Variants in FILIP1 observed in about 807,000 individuals in gnomAD.
FILIP1 encodes filamin A interacting protein 1.
In FILIP1, 61 loss-of-function variants were observed where a neutral mutation model predicts 102.1. The ratio of observed to expected loss-of-function variants is 0.60; its 90% CI spans 0.49 to 0.74. The LOEUF (loss-of-function observed/expected upper bound fraction) is 0.74, where lower values mean the gene tolerates loss of function less well. Among genes scored for constraint, FILIP1 ranks in the 30% least tolerant of loss-of-function variants. FILIP1 has a pLI of 0.00. For synonymous variants in FILIP1, 491 were observed against 526.9 expected (o/e 0.93, Z 0.93); for missense variants, 1,314 against 1,441.2 (o/e 0.91, Z 1.43).
At chr6:75,333,256 T>C (rs962670153) in intron 4 of FILIP1, among the ~76,000 whole-genome samples, 4 of 152,146 alleles carry the variant, frequency 2.6e-5, no homozygotes, top group Non-Finnish European at 5.9e-5. Context: ...GCTAAATTTT[T>C]TTTGAATTAT....
At chr6:75,325,659 T>C (rs1292034976) in intron 4 of FILIP1, among the ~76,000 whole-genome samples, 1 of 152,086 alleles carries the variant, frequency 6.6e-6, no homozygotes, top group Non-Finnish European at 1.5e-5. Context: ...CCACTACTTA[T>C]CAGGAAAATG....
chr6:75,426,639 T>C (rs1777635767), intron 1 of FILIP1, among the ~76,000 whole-genome samples: 1 of 152,140 alleles, frequency 6.6e-6, no homozygotes, highest in Non-Finnish European at 1.5e-5. Context: ...AAGGCACAGC[T>C]ACACTTGAAG....
chr6:75,428,963 T>C (rs920889432), intron 1 of FILIP1, among the ~76,000 whole-genome samples: 1 of 152,174 alleles, frequency 6.6e-6, no homozygotes, highest in Non-Finnish European at 1.5e-5. Flanking sequence ...AGCTTATCCA[T>C]TTAGATGGAG....
At chr6:75,398,658 A>G (rs1167635420) in intron 2 of FILIP1, among the ~76,000 whole-genome samples, 4 of 152,210 alleles carry the variant, frequency 2.6e-5, no homozygotes, top group Admixed American at 2.6e-4. Flanking sequence ...AACAATGTCA[A>G]GATGCTAAAA....
chr6:75,372,883 T>G (rs1283888588), intron 2 of FILIP1, among the ~76,000 whole-genome samples: 1 of 152,176 alleles, frequency 6.6e-6, no homozygotes, highest in Non-Finnish European at 1.5e-5. Context: ...ATGGTGCAGC[T>G]ACTATGGAAA....
At chr6:75,477,895 T>C (rs1779531422) in intron 1 of FILIP1, among the ~76,000 whole-genome samples, 1 of 152,172 alleles carries the variant, frequency 6.6e-6, no homozygotes, top group Non-Finnish European at 1.5e-5. Flanking sequence ...AAATGGACAA[T>C]GGGAAGAATT....
At position 75,391,929 on chromosome 6, in the gene FILIP1, T is replaced by G. The variant is rs6924105; in HGVS notation, c.276+22768A>C. Among the ~76,000 whole-genome samples the G allele has an allele frequency of 3.7e-3, 558 of 152,270 alleles. 1 individual carries two copies. Among genetic ancestry groups the G allele is most frequent in the African/African-American group, 0.013 (535 of 41,564 alleles). ...CCAACCAGGCTTCTGCTTCCAGTAC[T>G]CCACTGAAACTCTTTTATGAAGGCA... On this transcript the variant is annotated intron_variant, in intron 2 of 5. Coordinates refer to ENST00000237172, the MANE Select transcript of FILIP1 (RefSeq NM_015687.5).
chr6:75,307,022 C>T (rs113942147), downstream of FILIP1, among the ~76,000 whole-genome samples: 6,014 of 152,168 alleles, frequency 0.04, 393 homozygotes, highest in African/African-American at 0.14. Context: ...AGGCTGGTCT[C>T]GAACTCCTGG....
intron 2 of FILIP1, among the ~76,000 whole-genome samples, chr6:75,396,634 G>T (rs1776470492): frequency 6.6e-6 from 1 of 152,092 alleles, no homozygotes. Flanking sequence ...TGGTATCTGT[G>T]AAGATAATTG....
chr6:75,362,673 GTAAATGGAAGAATGT>G lies in FILIP1; in HGVS notation c.450+56_450+70del, dbSNP rs1775206031. 3.4e-6 allele frequency: 5 copies of G among 1,483,318 alleles called. No individual in the cohort carries two copies. In the East Asian group the frequency reaches 1.1e-4, roughly 34 times the overall value. 91.9% of individuals were successfully genotyped at this position (1,483,318 alleles called of 1,614,324 possible). A position where few individuals can be genotyped will look rare whatever the true frequency, so the allele number is the denominator to read the frequency against. Reference sequence around the variant, plus strand: ...CCTTTGAAAGAAAATGTTAAAGCATGTAAATGGAAGAATGTGAAGATATCTCCCTGAGGTTCCCAT... The same window carrying G: ...CCTTTGAAAGAAAATGTTAAAGCATGGAAGATATCTCCCTGAGGTTCCCAT... On this transcript the variant is annotated intron_variant, in intron 3 of 5. Transcript: ENST00000237172.
At chr6:75,304,758 A>T (rs1003322712), downstream of FILIP1, among the ~76,000 whole-genome samples, 1 of 152,264 alleles carries the variant, frequency 6.6e-6, no homozygotes, top group African/African-American at 2.4e-5. Flanking sequence ...GATAAATGCC[A>T]GAAGAAAGAG....
At chr6:75,352,615 C>A (rs1774847306) in intron 4 of FILIP1, among the ~76,000 whole-genome samples, 1 of 151,918 alleles carries the variant, frequency 6.6e-6, no homozygotes, top group South Asian at 2.1e-4. Context: ...GTTATGCAGC[C>A]CTTAGAAAGT....
intron 3 of FILIP1, 42 bp from the exon 4 acceptor site, chr6:75,353,759 A>G: frequency 6.3e-7 from 1 of 1,592,460 alleles, no homozygotes; most frequent in Non-Finnish European, 8.5e-7. Flanking sequence ...ATTTTATTGC[A>G]TTTGCATAGG....
chr6:75,371,656 C>A (rs1775523102), intron 2 of FILIP1, among the ~76,000 whole-genome samples: 1 of 152,086 alleles, frequency 6.6e-6, no homozygotes, highest in African/African-American at 2.4e-5. Flanking sequence ...AGAGAGCCCA[C>A]AAATAAATTT....
At chr6:75,397,739 G>A (rs561363325) in intron 2 of FILIP1, among the ~76,000 whole-genome samples, 10 of 152,104 alleles carry the variant, frequency 6.6e-5, no homozygotes, top group African/African-American at 2.4e-4. Context: ...TATGTGTTTT[G>A]AGCCTGTGAG....
intron 2 of FILIP1, among the ~76,000 whole-genome samples, chr6:75,395,803 G>A (rs1328444907): frequency 6.6e-6 from 1 of 152,076 alleles, no homozygotes; most frequent in Non-Finnish European, 1.5e-5. Context: ...CGAACACCTG[G>A]ACAGAACGGA....
At chr6:75,421,181 TAAAG>T (rs1562575991) in intron 1 of FILIP1, among the ~76,000 whole-genome samples, 1 of 151,780 alleles carries the variant, frequency 6.6e-6, no homozygotes, top group East Asian at 1.9e-4. Context: ...AAAATAAAAA[TAAAG>T]AAACAAAAGA....
At chr6:75,306,069 G>C (rs1582310680), downstream of FILIP1, among the ~76,000 whole-genome samples, 1 of 152,338 alleles carries the variant, frequency 6.6e-6, no homozygotes, top group East Asian at 1.9e-4. Flanking sequence ...CCTATCCCCA[G>C]TGGATTTTAT....
chr6:75,490,573 G>T (rs1416701104), intron 1 of FILIP1, among the ~76,000 whole-genome samples: 1 of 151,788 alleles, frequency 6.6e-6, no homozygotes, highest in Non-Finnish European at 1.5e-5. Context: ...ATAGAACCTG[G>T]CACCAAAAGA....
Sources: gnomAD v4.1 joint callset for allele counts (sites outside exome capture counted in the v4.1 genomes callset) on GRCh38, gnomAD v4.1.1 for gene constraint, MANE v1.5 for transcripts, NCBI Gene and HGNC (gene_info 2026-07-23, HGNC 2026-07-21) for gene names.